ZNF26: variants seen among roughly 807,000 people sequenced by gnomAD.
ZNF26 encodes the protein zinc finger protein 26.
Under a neutral mutation model 54.9 loss-of-function variants are expected in ZNF26, and 32 were observed. The ratio of observed to expected loss-of-function variants is 0.58; its 90% CI spans 0.44 to 0.78. The LOEUF is 0.78. Among genes scored for constraint, ZNF26 ranks in the 30% least tolerant of loss-of-function variants. The probability of loss-of-function intolerance (pLI) is 0.00; values close to 1 mark genes in which losing one functional copy is unlikely to be tolerated. For missense variants in ZNF26, 524 were observed against 634.0 expected, an observed-to-expected ratio of 0.83 and a Z score of 1.86; for synonymous variants, 221 against 209.2, an observed-to-expected ratio of 1.06 and a Z score of -0.49.
chr12:132,986,566 G>C lies in ZNF26; in HGVS notation c.-275G>C, dbSNP rs367925634. The C allele has an allele frequency of 2.1e-5, 12 of 561,288 alleles. No homozygotes were observed. The highest frequency in any genetic ancestry group is 1.9e-4 in the African/African-American group (10 of 53,050). The allele number at this position is 561,288 out of a possible 1,614,324, so 34.8% of individuals were successfully genotyped here. Reference sequence around the variant, plus strand: ...TCGGTCCGGGGCGTGGACGGGGCCAGATCAGCCTCCTGCTCTCCCGAGTCA... The same window carrying C: ...TCGGTCCGGGGCGTGGACGGGGCCACATCAGCCTCCTGCTCTCCCGAGTCA... On this transcript the variant is annotated 5_prime_UTR_variant, in exon 1 of 4. Transcript: ENST00000328654.
chr12:132,996,891 T>C (rs1953096529), intron 1 of ZNF26, among the ~76,000 whole-genome samples: 1 of 139,122 alleles, frequency 7.2e-6, no homozygotes, highest in Non-Finnish European at 1.7e-5. Flanking sequence ...GTTCTCATGG[T>C]TTTTTGTTTT....
chr12:133,008,595 T>C (rs1277218262), intron 3 of ZNF26, among the ~76,000 whole-genome samples: 3 of 150,702 alleles, frequency 2.0e-5, no homozygotes, highest in Non-Finnish European at 3.0e-5. Context: ...ACTAACATGG[T>C]GAAACCCCGT....
chr12:133,023,512 G>C lies in ZNF26; in HGVS notation c.*12031G>C, dbSNP rs1953667519. ...ATAAATACAGGTCAATCTAATATAT[G>C]AAAATTTTCTGAGTAAATGAAATCC... On this transcript the variant is annotated 3_prime_UTR_variant, in exon 4 of 4. Coordinates refer to ENST00000328654, the MANE Select transcript of ZNF26 (RefSeq NM_019591.4). 3.9e-5 allele frequency: 6 copies of C among 152,154 alleles called. No homozygotes were observed. In the South Asian group the frequency reaches 1.2e-3, roughly 32 times the overall value. 9.4% of individuals were successfully genotyped at this position (152,154 alleles called of 1,614,324 possible).
At chr12:133,006,873 C>T (rs1395551551) in intron 1 of ZNF26, 169 bp from the exon 2 acceptor site, 5 of 871,620 alleles carry the variant, frequency 5.7e-6, no homozygotes, top group East Asian at 5.1e-5. Flanking sequence ...CGTGAGCCAC[C>T]GTGCCTGGCA....
chr12:133,001,690 C>T lies in ZNF26; in HGVS notation c.34-5352C>T. On this transcript the variant is annotated intron_variant, in intron 1 of 3. Coordinates refer to ENST00000328654, the MANE Select transcript of ZNF26 (RefSeq NM_019591.4). The surrounding 1 kb of genome is among the most constrained non-coding windows in gnomAD (Gnocchi z 4.7). The stretch of plus-strand genomic sequence containing the variant: ...CTCAAGTGTCAAGTTCGGGAATCTT[C>T]TGGGTGTTCCTTGGGCCCAGGGAAA... 1 of 1,289,180 alleles carries T rather than the reference C, an allele frequency of 7.8e-7. No individual in the cohort carries two copies. Among genetic ancestry groups the T allele is most frequent in the Non-Finnish European group, 1.0e-6 (1 of 988,710 alleles). 79.9% of individuals were successfully genotyped at this position (1,289,180 alleles called of 1,614,324 possible). A position where few individuals can be genotyped will look rare whatever the true frequency, so the allele number is the denominator to read the frequency against.
At position 133,010,471 on chromosome 12, in the gene ZNF26, G is replaced by GGAGA; in HGVS notation, c.597_600dup (p.Pro201GlufsTer4). 1 of 1,614,140 alleles carries GGAGA rather than the reference G, an allele frequency of 6.2e-7. No individual in the cohort carries two copies. The highest frequency in any genetic ancestry group is 2.2e-5 in the East Asian group (1 of 44,886). On this transcript the variant is annotated frameshift_variant, in exon 4 of 4. Transcript: ENST00000328654. LOFTEE classifies it high-confidence loss of function. ...CATTGTACATCTCAGAATTCATACA[G>GGAGA]GAGAGAGACCTTATGAATGCAGTAA...
intron 3 of ZNF26, among the ~76,000 whole-genome samples, chr12:133,008,500 G>C (rs1953385793): frequency 6.6e-6 from 1 of 152,110 alleles, no homozygotes; most frequent in African/African-American, 2.4e-5. Context: ...AGACTGGCTG[G>C]GCACGGTGGC....
chr12:132,986,597 A>C lies in ZNF26; in HGVS notation c.-244A>C, dbSNP rs1304875424. 3.4e-5 allele frequency: 20 copies of C among 581,214 alleles called. No individual in the cohort carries two copies. The highest frequency in any genetic ancestry group is 4.9e-5 in the Non-Finnish European group (16 of 324,636). 36.0% of individuals were successfully genotyped at this position (581,214 alleles called of 1,614,324 possible). A position where few individuals can be genotyped will look rare whatever the true frequency, so the allele number is the denominator to read the frequency against. ...CCTCCTGCTCTCCCGAGTCAGGGCC[A>C]CGGAAAGGCACAAATCCATCCGTGC... On this transcript the variant is annotated 5_prime_UTR_variant, in exon 1 of 4. Transcript: ENST00000328654.
chr12:133,020,828 G>T lies in ZNF26; in HGVS notation c.*9347G>T, dbSNP rs1210975939. On this transcript the variant is annotated 3_prime_UTR_variant, in exon 4 of 4. Transcript: ENST00000328654. ...GGCCTCTCTCCTTGGCTTGTAGATG[G>T]CTGTCTTCTCACTGTCTCATCACAT... 1 of 152,174 alleles carries T rather than the reference G, an allele frequency of 6.6e-6. No homozygotes were observed. The highest frequency in any genetic ancestry group is 1.5e-5 in the Non-Finnish European group (1 of 68,038). The allele number at this position is 152,174 out of a possible 1,614,324, so 9.4% of individuals were successfully genotyped here.
chr12:132,986,784 C>T lies in ZNF26; in HGVS notation c.-57C>T. ...TTCGGGCGGACGCATCCCTCACGGT[C>T]TCTCCGCAGCCCGCGGGTCCTGCCC... is the stretch of plus-strand genomic sequence containing the variant. On this transcript the variant is annotated 5_prime_UTR_variant, in exon 1 of 4. Coordinates refer to ENST00000328654, the MANE Select transcript of ZNF26 (RefSeq NM_019591.4). 5.1e-6 allele frequency: 8 copies of T among 1,559,258 alleles called. No individual in the cohort carries two copies. The highest frequency in any genetic ancestry group is 1.2e-5 in the South Asian group (1 of 85,084).
At position 133,007,180 on chromosome 12, in the gene ZNF26, G is replaced by A. The variant is rs777998600; in HGVS notation, c.160+12G>A. 3.2e-5 allele frequency: 52 copies of A among 1,612,210 alleles called. No individual in the cohort carries two copies. The highest frequency in any genetic ancestry group is 3.2e-4 in the African/African-American group (24 of 74,900). ...CCTGATATCAGTGGGTAAGTACTGC[G>A]TCTCAATGTTACTCAGATAGTGAAT... On this transcript the variant is annotated intron_variant, in intron 2 of 3. Transcript: ENST00000328654.
At position 133,001,263 on chromosome 12, in the gene ZNF26, AC is replaced by A. The variant is rs1953213312; in HGVS notation, c.34-5778del. Among the ~76,000 whole-genome samples, 1 of 152,092 alleles carries A rather than the reference AC, an allele frequency of 6.6e-6. No homozygotes were observed. The highest frequency in any genetic ancestry group is 2.4e-5 in the African/African-American group (1 of 41,444). On this transcript the variant is annotated intron_variant, in intron 1 of 3. Transcript: ENST00000328654. This position sits in a 1 kb window ranked among gnomAD's most constrained non-coding sequence, Gnocchi z 4.7. ...CCTTGTTTGTTATTGACTCTCAGTT[AC>A]TTTCAGGTATGGGAAAGTTCAGTCC...
At chr12:132,997,328 C>T (rs1037712536) in intron 1 of ZNF26, among the ~76,000 whole-genome samples, 5 of 123,644 alleles carry the variant, frequency 4.0e-5, no homozygotes, top group South Asian at 2.7e-4. Context: ...CCCACATGGT[C>T]GATGAGCTTC....
rs1246628197 is a variant in ZNF26 at position 133,017,131 on chromosome 12, A to C, written c.*5650A>C. The C allele has an allele frequency of 2.0e-5, 3 of 152,360 alleles. No individual in the cohort carries two copies. The highest frequency in any genetic ancestry group is 7.2e-5 in the African/African-American group (3 of 41,584). The allele number at this position is 152,360 out of a possible 1,614,324, so 9.4% of individuals were successfully genotyped here. On this transcript the variant is annotated 3_prime_UTR_variant, in exon 4 of 4. Coordinates refer to ENST00000328654, the MANE Select transcript of ZNF26 (RefSeq NM_019591.4). ...AATCTAAACAGACTTAAAAATTATA[A>C]GATGTAATTTGATGGTACAAAAATA...
At chr12:132,995,440 A>G (rs1285471423) in intron 1 of ZNF26, 2 of 150,648 alleles carry the variant, frequency 1.3e-5, no homozygotes, top group Non-Finnish European at 3.0e-5. Context: ...ACTGTATACA[A>G]CTTCTCTGTA....
At chr12:133,002,843 C>T (rs891371870) in intron 1 of ZNF26, among the ~76,000 whole-genome samples, 1 of 151,884 alleles carries the variant, frequency 6.6e-6, no homozygotes, top group Non-Finnish European at 1.5e-5. Context: ...AGGCTGGTCT[C>T]GAACTCCTGA....
rs1953476365 is a variant in ZNF26 at position 133,011,670 on chromosome 12, TG to T, written c.*191del. 1 of 464,198 alleles carries T rather than the reference TG, an allele frequency of 2.2e-6. No individual in the cohort carries two copies. Among genetic ancestry groups the T allele is most frequent in the African/African-American group, 2.0e-5 (1 of 50,302 alleles). 28.8% of individuals were successfully genotyped at this position (464,198 alleles called of 1,614,324 possible). A position where few individuals can be genotyped will look rare whatever the true frequency, so the allele number is the denominator to read the frequency against. On this transcript the variant is annotated 3_prime_UTR_variant, in exon 4 of 4. Coordinates refer to ENST00000328654, the MANE Select transcript of ZNF26 (RefSeq NM_019591.4). ...TACAAATCTTTGTAGATGAAAATAATGGAAGGAATGTGGAGCAATAAATGTA... is the reference window on the plus strand; with the variant it reads ...TACAAATCTTTGTAGATGAAAATAATGAAGGAATGTGGAGCAATAAATGTA...
At chr12:132,988,471 T>G (rs1453860650) in intron 1 of ZNF26, among the ~76,000 whole-genome samples, 2 of 152,084 alleles carry the variant, frequency 1.3e-5, no homozygotes, top group African/African-American at 2.4e-5. Context: ...CTGCAACTCT[T>G]GGCCTCAAGC....
chr12:132,993,027 C>CTTTCT (rs1555284000), intron 1 of ZNF26, among the ~76,000 whole-genome samples: 4 of 129,444 alleles, frequency 3.1e-5, no homozygotes, highest in East Asian at 2.3e-4. Context: ...ACTAGTATTT[C>CTTTCT]TTTTTTTTTT....
Sources: gnomAD v4.1 joint callset for allele counts (sites outside exome capture counted in the v4.1 genomes callset) on GRCh38, gnomAD v4.1.1 for gene constraint, Gnocchi (gnomAD v3.1) non-coding constraint, MANE v1.5 for transcripts, NCBI Gene and HGNC (gene_info 2026-07-23, HGNC 2026-07-21) for gene names.